CDH4: variants seen among roughly 807,000 people sequenced by gnomAD.
CDH4 encodes the protein cadherin-4.
CDH4 carries 33 observed loss-of-function variants against 86.0 expected under a neutral mutation model. That is an observed-to-expected ratio of 0.38 (90% CI 0.29 to 0.51). The LOEUF is 0.51. Among genes scored for constraint, CDH4 ranks in the 20% least tolerant of loss-of-function variants. The probability of loss-of-function intolerance (pLI) is 0.86; values close to 1 mark genes in which losing one functional copy is unlikely to be tolerated. For synonymous variants in CDH4, 555 were observed against 549.4 expected, an observed-to-expected ratio of 1.01 and a Z score of -0.14; for missense variants, 1,114 against 1,307.4, an observed-to-expected ratio of 0.85 and a Z score of 2.28.
intron 3 of CDH4, among the ~76,000 whole-genome samples, chr20:61,761,185 T>A (rs574570190): frequency 1.3e-5 from 2 of 152,256 alleles, no homozygotes; most frequent in African/African-American, 4.8e-5. Flanking sequence ...AATCTAATCA[T>A]CCTCAGTAAA....
chr20:61,891,215 C>G, intron 7 of CDH4, among the ~76,000 whole-genome samples: 1 of 152,140 alleles, frequency 6.6e-6, no homozygotes, highest in East Asian at 1.9e-4. Flanking sequence ...ATAATGAAAA[C>G]CTGGTTTGGG....
At chr20:61,583,131 G>A (rs188646487) in intron 2 of CDH4, among the ~76,000 whole-genome samples, 13 of 136,124 alleles carry the variant, frequency 9.6e-5, no homozygotes, top group Middle Eastern at 3.8e-3. Flanking sequence ...AAGGCTCTGC[G>A]GGGGGACAGA....
rs1568877492 is a variant in CDH4, at chr20:61,902,762, G to GT, written c.1189-7656dup. ...ATAGCAAAGAGGCTACATAGGTGTC[G>GT]TTTTGGGAATATTTGAAGGAGGAAG... On this transcript the variant is annotated intron_variant, in intron 8 of 15. Coordinates refer to ENST00000614565, the MANE Select transcript of CDH4 (RefSeq NM_001794.5). This position sits in a 1 kb window ranked among gnomAD's most constrained non-coding sequence, Gnocchi z 4.6. 6.6e-6 allele frequency among the ~76,000 whole-genome samples: 1 copy of GT among 152,186 alleles called. No individual in the cohort carries two copies. Among genetic ancestry groups the GT allele is most frequent in the Non-Finnish European group, 1.5e-5 (1 of 68,034 alleles).
chr20:61,864,176 G>A (rs1409380782), intron 6 of CDH4, among the ~76,000 whole-genome samples: 1 of 152,224 alleles, frequency 6.6e-6, no homozygotes, highest in African/African-American at 2.4e-5. Flanking sequence ...GAGCACCCAA[G>A]TTGGACGGTG....
At chr20:61,864,149 C>G (rs1249866017) in intron 6 of CDH4, among the ~76,000 whole-genome samples, 1 of 152,192 alleles carries the variant, frequency 6.6e-6, no homozygotes, top group Non-Finnish European at 1.5e-5. Flanking sequence ...GCTGGAGTGA[C>G]GTGGCCACAA....
At chr20:61,321,497 G>C (rs532090530) in intron 2 of CDH4, among the ~76,000 whole-genome samples, 65 of 152,272 alleles carry the variant, frequency 4.3e-4, no homozygotes, top group African/African-American at 1.5e-3. Context: ...GTGTGTGTGA[G>C]AGAGAATATA....
intron 2 of CDH4, among the ~76,000 whole-genome samples, chr20:61,401,328 T>A (rs542742479): frequency 4.6e-5 from 7 of 152,242 alleles, no homozygotes; most frequent in Non-Finnish European, 7.4e-5. Context: ...GCCTGGTACA[T>A]TGCAGGCTTC....
intron 2 of CDH4, among the ~76,000 whole-genome samples, chr20:61,418,658 T>C (rs564167890): frequency 6.6e-6 from 1 of 152,166 alleles, no homozygotes; most frequent in Non-Finnish European, 1.5e-5. Context: ...TGGAGGGTGC[T>C]GTTACAAAGC....
intron 2 of CDH4, among the ~76,000 whole-genome samples, chr20:61,412,507 T>C (rs1006586110): frequency 3.3e-5 from 5 of 152,130 alleles, no homozygotes; most frequent in Admixed American, 6.5e-5. Context: ...TCCCTCCTGG[T>C]TTTCTTATCC....
At chr20:61,831,081 GC>G (rs1487749702) in intron 4 of CDH4, among the ~76,000 whole-genome samples, 1 of 152,182 alleles carries the variant, frequency 6.6e-6, no homozygotes, top group African/African-American at 2.4e-5. Context: ...TCTTGGGGGA[GC>G]TTTTGTGAAT....
At chr20:61,453,947 C>T (rs1032348939) in intron 2 of CDH4, among the ~76,000 whole-genome samples, 2 of 152,172 alleles carry the variant, frequency 1.3e-5, no homozygotes, top group Non-Finnish European at 2.9e-5. Flanking sequence ...TTCTTCCTGC[C>T]GCCTTGTGAA....
At chr20:61,651,696 C>T (rs1267604919) in intron 2 of CDH4, among the ~76,000 whole-genome samples, 2 of 152,200 alleles carry the variant, frequency 1.3e-5, no homozygotes, top group African/African-American at 4.8e-5. Context: ...TCCTCTCCTC[C>T]AAATTTAATA....
In CDH4 at chr20:61,756,839, G is replaced by A. The variant is rs1461039342; in HGVS notation, c.396+13050G>A. On this transcript the variant is annotated intron_variant, in intron 3 of 15. Transcript: ENST00000614565. ...GATGGTCCCCCAGGGCTCTCCACAT[G>A]AGCTGTTTCTGCAGAAGGCATATCT... Among the ~76,000 whole-genome samples, 9 of 152,180 alleles carry A rather than the reference G, an allele frequency of 5.9e-5. 1 individual carries two copies.
intron 2 of CDH4, among the ~76,000 whole-genome samples, chr20:61,376,205 G>A (rs1302929045): frequency 1.3e-5 from 2 of 151,934 alleles, no homozygotes; most frequent in Non-Finnish European, 2.9e-5. Flanking sequence ...TGTGGTGGTG[G>A]TGCCAATGCC....
chr20:61,705,254 G>C (rs903921458), intron 2 of CDH4, among the ~76,000 whole-genome samples: 1 of 152,176 alleles, frequency 6.6e-6, no homozygotes. Context: ...GCTGTTTTAC[G>C]AATCCCATGA....
At chr20:61,834,126 G>C (rs1412001929) in intron 4 of CDH4, among the ~76,000 whole-genome samples, 1 of 152,240 alleles carries the variant, frequency 6.6e-6, no homozygotes, top group Non-Finnish European at 1.5e-5. Flanking sequence ...AGCAAGGGTG[G>C]GCCGGGGTGA....
intron 13 of CDH4, among the ~76,000 whole-genome samples, 199 bp downstream of exon 13, chr20:61,930,041 C>G (rs1263408102): frequency 6.6e-6 from 1 of 152,258 alleles, no homozygotes; most frequent in Non-Finnish European, 1.5e-5. Context: ...ACTCTCAAGT[C>G]TGGAGGTGCA....
chr20:61,568,101 A>G (rs2086313750), intron 2 of CDH4, among the ~76,000 whole-genome samples: 1 of 152,218 alleles, frequency 6.6e-6, no homozygotes, highest in Non-Finnish European at 1.5e-5. Context: ...AAAGGTCTAG[A>G]GGCAGCCGTG....
intron 2 of CDH4, among the ~76,000 whole-genome samples, chr20:61,649,689 T>G (rs2087101570): frequency 6.6e-6 from 1 of 152,186 alleles, no homozygotes; most frequent in African/African-American, 2.4e-5. Context: ...GATTGGATAT[T>G]TGGAAACCGC....
Sources: allele counts gnomAD v4.1 joint callset (sites outside exome capture counted in the v4.1 genomes callset), GRCh38; gene constraint gnomAD v4.1.1; non-coding constraint Gnocchi (gnomAD v3.1); transcripts MANE v1.5; gene names NCBI Gene and HGNC (gene_info 2026-07-23, HGNC 2026-07-21).